Variants in TRHDE observed in about 807,000 individuals in gnomAD.
The protein encoded by TRHDE is thyrotropin-releasing hormone-degrading ectoenzyme.
Under a neutral mutation model 125.7 loss-of-function variants are expected in TRHDE, and 72 were observed. The observed-to-expected ratio is 0.57, with a 90% CI of 0.47 to 0.70. TRHDE has a LOEUF of 0.70. Ranked by LOEUF, TRHDE falls within the 30% of genes least tolerant of loss-of-function variation. The pLI is 0.00. For missense variants in TRHDE, 1,110 were observed against 1,327.1 expected, an observed-to-expected ratio of 0.84 and a Z score of 2.54; for synonymous variants, 509 against 509.1, an observed-to-expected ratio of 1.00 and a Z score of 0.00.
At chr12:72,592,909 T>C (rs1001400189) in intron 12 of TRHDE, among the ~76,000 whole-genome samples, 2 of 152,052 alleles carry the variant, frequency 1.3e-5, no homozygotes, top group Admixed American at 1.3e-4. Context: ...GACACGGTTT[T>C]GCCATGTTGG....
At chr12:72,636,989 G>A (rs1408712473) in intron 15 of TRHDE, among the ~76,000 whole-genome samples, 3 of 152,152 alleles carry the variant, frequency 2.0e-5, no homozygotes, top group East Asian at 1.9e-4. Flanking sequence ...TCTCTGCCAG[G>A]CTTTGGTATC....
At chr12:72,463,757 A>G (rs1411205189) in intron 3 of TRHDE, among the ~76,000 whole-genome samples, 1 of 152,162 alleles carries the variant, frequency 6.6e-6, no homozygotes, top group African/African-American at 2.4e-5. Context: ...GAGAACTGTT[A>G]TTGCACACAT....
At chr12:72,206,345 G>A (rs144960971) in intron 2 of TRHDE, among the ~76,000 whole-genome samples, 1 of 152,044 alleles carries the variant, frequency 6.6e-6, no homozygotes, top group Admixed American at 6.6e-5. Context: ...CGCCTGCCTC[G>A]ACCTTCCAAA....
chr12:72,257,122 A>G (rs951907018), intron 2 of TRHDE: 1 of 152,100 alleles, frequency 6.6e-6, no homozygotes, highest in African/African-American at 2.4e-5. Context: ...TTTCATTATT[A>G]TTGGAGTGAT....
chr12:72,164,873 T>C (rs1007797074), intron 2 of TRHDE, among the ~76,000 whole-genome samples: 1 of 152,160 alleles, frequency 6.6e-6, no homozygotes, highest in African/African-American at 2.4e-5. Context: ...AACAAATCTC[T>C]GGGCCGGCCA....
intron 5 of TRHDE, among the ~76,000 whole-genome samples, chr12:72,483,089 T>C (rs1457581375): frequency 6.6e-6 from 1 of 152,042 alleles, no homozygotes; most frequent in Non-Finnish European, 1.5e-5. Flanking sequence ...TGACTTGTTC[T>C]CTTTCTTCTT....
chr12:72,205,229 A>G (rs377007396), intron 2 of TRHDE, among the ~76,000 whole-genome samples: 1 of 151,872 alleles, frequency 6.6e-6, no homozygotes, highest in South Asian at 2.1e-4. Flanking sequence ...TTTACTCACT[A>G]TTGAAAACTC....
chr12:72,506,874 A>G (rs1878376993), intron 6 of TRHDE, among the ~76,000 whole-genome samples: 1 of 152,154 alleles, frequency 6.6e-6, no homozygotes, highest in Non-Finnish European at 1.5e-5. Flanking sequence ...TCAACCAAAT[A>G]TCATGTCAAA....
rs147036008 is a variant in TRHDE, at chr12:72,126,141, A to C, written n.279+20389A>C. ...GCCGCACACACAAAAATACCTGGGA[A>C]TACATCTAACCAAGGAGGTGAAAGA... On this transcript the variant is annotated intron_variant and non_coding_transcript_variant, in intron 2 of 4. Coordinates refer to the TRHDE transcript ENST00000548156. 4.5e-3 allele frequency among the ~76,000 whole-genome samples: 688 copies of C among 152,312 alleles called. 4 individuals are homozygous for C. The highest frequency in any genetic ancestry group is 0.015 in the African/African-American group (631 of 41,566).
chr12:72,194,468 G>A (rs1229764943), intron 2 of TRHDE, among the ~76,000 whole-genome samples: 1 of 152,050 alleles, frequency 6.6e-6, no homozygotes, highest in Non-Finnish European at 1.5e-5. Flanking sequence ...GTGGAGGTTT[G>A]TTACCTGGGT....
In TRHDE at chr12:72,265,193, A is replaced by G. The variant is rs188950819; in HGVS notation, n.280-112802A>G. Among the ~76,000 whole-genome samples the G allele has an allele frequency of 3.5e-4, 53 of 152,054 alleles. 1 individual carries two copies. In the East Asian group the frequency reaches 0.01, roughly 29 times the overall value. On this transcript the variant is annotated intron_variant and non_coding_transcript_variant, in intron 2 of 4. Transcript: ENST00000548156. ...CATACTAACATATTTAGATTTTAAT[A>G]TTTGTAATTATAGCATACAAATAAA...
intron 2 of TRHDE, among the ~76,000 whole-genome samples, chr12:72,376,924 A>G (rs1871912820): frequency 1.3e-5 from 2 of 151,990 alleles, no homozygotes; most frequent in Non-Finnish European, 2.9e-5. Flanking sequence ...TATCTGTAAA[A>G]TGGGATTGGA....
chr12:72,380,667 A>G lies in TRHDE; in HGVS notation c.1315+2546A>G, dbSNP rs572683210. ...GACACGGTCAAGGAGGAATGGGTGG[A>G]TGACAGATCATGGACCGCCAGCAGG... is the stretch of plus-strand genomic sequence containing the variant. On this transcript the variant is annotated intron_variant, in intron 3 of 18. Transcript: ENST00000261180. 3.7e-4 allele frequency among the ~76,000 whole-genome samples: 56 copies of G among 152,186 alleles called. 1 individual carries two copies. The highest frequency in any genetic ancestry group is 1.3e-3 in the African/African-American group (56 of 41,524).
At chr12:72,259,503 T>G (rs1348764215) in intron 2 of TRHDE, among the ~76,000 whole-genome samples, 1 of 152,298 alleles carries the variant, frequency 6.6e-6, no homozygotes, top group East Asian at 1.9e-4. Flanking sequence ...GGCATTAAAC[T>G]TGCTCATTGC....
At chr12:72,372,973 C>A (rs938764894) in intron 2 of TRHDE, among the ~76,000 whole-genome samples, 1 of 152,176 alleles carries the variant, frequency 6.6e-6, no homozygotes, top group Admixed American at 6.5e-5. Context: ...CTATAAATTA[C>A]CTTGGGCAGT....
chr12:72,121,419 G>A (rs1008432766), intron 2 of TRHDE, among the ~76,000 whole-genome samples: 17 of 152,122 alleles, frequency 1.1e-4, no homozygotes, highest in Admixed American at 3.3e-4. Flanking sequence ...ATTCCTTTCT[G>A]GCCAGGGTTG....
chr12:72,224,264 AC>A (rs66698655), intron 2 of TRHDE, among the ~76,000 whole-genome samples: 114,624 of 150,036 alleles, frequency 0.76, 44,081 homozygotes, highest in Non-Finnish European at 0.79. Context: ...AATATGAAGG[AC>A]CCCCCCCTAG....
At chr12:72,146,298 C>G (rs1386661046) in intron 2 of TRHDE, among the ~76,000 whole-genome samples, 2 of 152,184 alleles carry the variant, frequency 1.3e-5, no homozygotes, top group African/African-American at 2.4e-5. Flanking sequence ...AATAAGCTTG[C>G]AGAAACTCTC....
At position 72,232,787 on chromosome 12, in the gene TRHDE, C is replaced by A. The variant is rs145371746; in HGVS notation, n.279+127035C>A. 1.7e-3 allele frequency among the ~76,000 whole-genome samples: 255 copies of A among 152,222 alleles called. 2 individuals carry two copies. Among genetic ancestry groups the A allele is most frequent in the African/African-American group, 5.9e-3 (246 of 41,528 alleles). ...CCTTTATGTCTTTTTCTAAATAACA[C>A]CTTTACAGTAAATGTTTCCCCTACC... On this transcript the variant is annotated intron_variant and non_coding_transcript_variant, in intron 2 of 4. Transcript: ENST00000548156.
Sources: gnomAD v4.1 joint callset for allele counts (sites outside exome capture counted in the v4.1 genomes callset) on GRCh38, gnomAD v4.1.1 for gene constraint, MANE v1.5 for transcripts, NCBI Gene and HGNC (gene_info 2026-07-23, HGNC 2026-07-21) for gene names.